Variants in USP4 observed in about 807,000 individuals in gnomAD.
USP4 encodes the protein ubiquitin carboxyl-terminal hydrolase 4.
Under a neutral mutation model 118.2 loss-of-function variants are expected in USP4, and 72 were observed. The ratio of observed to expected loss-of-function variants is 0.61; its 90% CI spans 0.50 to 0.74. USP4 has a LOEUF of 0.74. USP4 is among the 30% of genes least tolerant of loss of function. USP4 has a pLI of 0.00. For synonymous variants in USP4, 415 were observed against 440.4 expected (o/e 0.94, Z 0.72); for missense variants, 1,037 against 1,185.7 (o/e 0.87, Z 1.84).
At chr3:49,291,969 G>A (rs1184644360) in intron 15 of USP4, among the ~76,000 whole-genome samples, 5 of 151,988 alleles carry the variant, frequency 3.3e-5, no homozygotes, top group East Asian at 1.9e-4. Context: ...CACCATGTCC[G>A]GCTAATTTTT....
chr3:49,304,964 A>G (rs1360186594), intron 9 of USP4, among the ~76,000 whole-genome samples: 1 of 151,222 alleles, frequency 6.6e-6, no homozygotes. Context: ...GGGTTTCACT[A>G]TGTTGGTCAG....
chr3:49,334,349 T>G (rs1352167514), intron 2 of USP4, among the ~76,000 whole-genome samples: 2 of 152,238 alleles, frequency 1.3e-5, no homozygotes, highest in Non-Finnish European at 1.5e-5. Context: ...GGCAACTTCG[T>G]GGCATAGTGC....
At chr3:49,314,118 C>A (rs1192003586) in intron 6 of USP4, 1 of 152,170 alleles carries the variant, frequency 6.6e-6, no homozygotes. Flanking sequence ...ATGTACTGTT[C>A]CCACACAGTG....
At chr3:49,319,098 C>A (rs1466791413) in intron 6 of USP4, among the ~76,000 whole-genome samples, 1 of 146,954 alleles carries the variant, frequency 6.8e-6, no homozygotes, top group East Asian at 2.0e-4. Context: ...GGAGGGATTG[C>A]GCCACTGCAC....
chr3:49,333,064 T>A (rs1246270618), intron 2 of USP4, among the ~76,000 whole-genome samples: 6 of 144,580 alleles, frequency 4.1e-5, no homozygotes, highest in East Asian at 2.0e-4. Flanking sequence ...AAAAAAAAAA[T>A]AAATGAATAA....
At chr3:49,318,184 G>C (rs1022934509) in intron 6 of USP4, 12 of 325,028 alleles carry the variant, frequency 3.7e-5, no homozygotes, top group South Asian at 2.4e-4. Context: ...GCCTAGGATG[G>C]TCTCAAACTC....
At chr3:49,323,693 A>T (rs2047523635) in intron 6 of USP4, among the ~76,000 whole-genome samples, 2 of 152,176 alleles carry the variant, frequency 1.3e-5, no homozygotes, top group Admixed American at 6.6e-5. Flanking sequence ...ATGACCTAGG[A>T]GCCCACTACT....
At chr3:49,284,381 A>C in intron 18 of USP4, 85 bp downstream of exon 18, 1 of 1,149,130 alleles carries the variant, frequency 8.7e-7, no homozygotes, top group Non-Finnish European at 1.3e-6. Context: ...CCAAATACAA[A>C]GGGGTTTATG....
intron 8 of USP4, among the ~76,000 whole-genome samples, chr3:49,306,649 C>T (rs1035541393): frequency 1.3e-5 from 2 of 152,098 alleles, no homozygotes; most frequent in African/African-American, 4.8e-5. Context: ...TAAAACTCAT[C>T]ATTATCCTCG....
chr3:49,317,059 G>A (rs1186105190), intron 6 of USP4: 2 of 1,121,948 alleles, frequency 1.8e-6, no homozygotes, highest in Non-Finnish European at 2.7e-6. Flanking sequence ...GGCGCACAGA[G>A]GCAGGCCCTG....
At chr3:49,330,549 T>G (rs2047605902) in intron 2 of USP4, among the ~76,000 whole-genome samples, 1 of 150,840 alleles carries the variant, frequency 6.6e-6, no homozygotes, top group Non-Finnish European at 1.5e-5. Context: ...GCCAGGATGG[T>G]CTCAATCTCC....
chr3:49,284,461 C>A lies in USP4; in HGVS notation c.2390+5G>T. ...CCTCTGCCCAGACAGTGAGGAGCTG[C>A]GTACCAGGGGTCATGCTCCCCAAGG... On this transcript the variant is annotated splice_donor_5th_base_variant and intron_variant, in intron 18 of 21. Transcript: ENST00000265560. The A allele has an allele frequency of 6.2e-7, 1 of 1,610,014 alleles. No individual in the cohort carries two copies. The highest frequency in any genetic ancestry group is 8.5e-7 in the Non-Finnish European group (1 of 1,176,850).
intron 17 of USP4, 68 bp downstream of exon 17, chr3:49,284,781 G>A: frequency 6.8e-7 from 1 of 1,460,706 alleles, no homozygotes; most frequent in Admixed American, 1.7e-5. Flanking sequence ...ACTGGTGAAA[G>A]TGATCGCAGT....
At chr3:49,298,795 C>T (rs2047234969) in intron 11 of USP4, among the ~76,000 whole-genome samples, 160 bp from the exon 12 acceptor site, 1 of 152,112 alleles carries the variant, frequency 6.6e-6, no homozygotes, top group Non-Finnish European at 1.5e-5. Context: ...ATAAGCAGGA[C>T]CTCTATGTCA....
chr3:49,318,957 T>C (rs1405408500), intron 6 of USP4, among the ~76,000 whole-genome samples: 1 of 146,702 alleles, frequency 6.8e-6, no homozygotes, highest in East Asian at 2.0e-4. Flanking sequence ...AAGGAATCCA[T>C]CCATGGAAAC....
chr3:49,285,662 T>C (rs1482669497), intron 16 of USP4, among the ~76,000 whole-genome samples: 1 of 152,132 alleles, frequency 6.6e-6, no homozygotes, highest in African/African-American at 2.4e-5. Context: ...TTCCTGTCTG[T>C]AGAGCAGTCC....
chr3:49,296,325 C>T (rs1180886077), intron 13 of USP4, among the ~76,000 whole-genome samples: 1 of 149,514 alleles, frequency 6.7e-6, no homozygotes, highest in Non-Finnish European at 1.5e-5. Context: ...AAGACTCTAT[C>T]TCAAAAACAT....
At chr3:49,338,000 C>G (rs1357396681) in intron 1 of USP4, among the ~76,000 whole-genome samples, 1 of 128,168 alleles carries the variant, frequency 7.8e-6, no homozygotes, top group African/African-American at 3.0e-5. Context: ...GAGCCGAGAT[C>G]GCGCCACTGC....
intron 6 of USP4, 55 bp from the exon 7 acceptor site, chr3:49,311,709 A>C: frequency 3.1e-6 from 5 of 1,600,856 alleles, no homozygotes; most frequent in Non-Finnish European, 4.3e-6. Flanking sequence ...AGCAAGCCCT[A>C]TTTAATGCCT....
Sources: allele counts gnomAD v4.1 joint callset (sites outside exome capture counted in the v4.1 genomes callset), GRCh38; gene constraint gnomAD v4.1.1; transcripts MANE v1.5; gene names NCBI Gene and HGNC (gene_info 2026-07-23, HGNC 2026-07-21).